Variants in AKAP9 observed in about 807,000 individuals in gnomAD.
AKAP9 encodes A-kinase anchoring protein 9.
In AKAP9, 311 loss-of-function variants were observed where a neutral mutation model predicts 488.5. The ratio of observed to expected loss-of-function variants is 0.64; its 90% CI spans 0.58 to 0.70. AKAP9 has a LOEUF of 0.70. Among genes scored for constraint, AKAP9 ranks in the 30% least tolerant of loss-of-function variants. The pLI, the probability that AKAP9 is intolerant of heterozygous loss-of-function variation, is 0.00. For missense variants in AKAP9, 4,215 were observed against 4,374.5 expected (o/e 0.96, Z 1.03); for synonymous variants, 1,462 against 1,483.5 (o/e 0.99, Z 0.33).
intron 1 of AKAP9, among the ~76,000 whole-genome samples, chr7:91,963,527 C>CACACACAT (rs1267784259): frequency 5.5e-5 from 8 of 144,952 alleles, no homozygotes; most frequent in Admixed American, 6.8e-5. Context: ...CACACACACA[C>CACACACAT]ATATTTTTGA....
intron 37 of AKAP9, among the ~76,000 whole-genome samples, chr7:92,089,096 C>T (rs576780019): frequency 6.6e-6 from 1 of 152,100 alleles, no homozygotes; most frequent in Admixed American, 6.5e-5. Context: ...TTTGAATAGG[C>T]TCTGTATATC....
chr7:91,957,920 A>AT (rs955326343), intron 1 of AKAP9, among the ~76,000 whole-genome samples: 21 of 152,020 alleles, frequency 1.4e-4, no homozygotes, highest in Non-Finnish European at 2.8e-4. Flanking sequence ...CCCCTGTGCT[A>AT]TTTTTTTCTG....
intron 3 of AKAP9, among the ~76,000 whole-genome samples, chr7:91,985,788 C>T (rs1335270480): frequency 6.6e-6 from 1 of 152,164 alleles, no homozygotes; most frequent in Admixed American, 6.5e-5. Context: ...CCTGGGACTA[C>T]AGGCGCGTGC....
chr7:92,099,972 AC>A (rs1408968634), intron 44 of AKAP9, 103 bp downstream of exon 44: 4 of 1,118,252 alleles, frequency 3.6e-6, no homozygotes, highest in Non-Finnish European at 5.4e-6. Flanking sequence ...ACTATCACAC[AC>A]CTGATTCTTA....
At chr7:92,040,544 TA>T in intron 17 of AKAP9, 129 bp from the exon 18 acceptor site, 1 of 661,636 alleles carries the variant, frequency 1.5e-6, no homozygotes, top group Non-Finnish European at 2.5e-6. Flanking sequence ...TGTTTAATAA[TA>T]AAATATCACA....
At chr7:92,003,603 T>G (rs1799438211) in intron 8 of AKAP9, among the ~76,000 whole-genome samples, 1 of 152,128 alleles carries the variant, frequency 6.6e-6, no homozygotes, top group Non-Finnish European at 1.5e-5. Context: ...TTCAGCGTTT[T>G]TATTTCATAG....
intron 1 of AKAP9, among the ~76,000 whole-genome samples, chr7:91,950,372 GGT>G (rs1792060355): frequency 6.6e-6 from 1 of 151,992 alleles, no homozygotes; most frequent in South Asian, 2.1e-4. Flanking sequence ...TGGGACCACA[GGT>G]GCACGCTGCC....
At chr7:92,057,274 CTT>C (rs2130812896) in intron 22 of AKAP9, among the ~76,000 whole-genome samples, 1 of 152,156 alleles carries the variant, frequency 6.6e-6, no homozygotes, top group South Asian at 2.1e-4. Flanking sequence ...CCAGAAATAA[CTT>C]TGATTATTTT....
intron 3 of AKAP9, among the ~76,000 whole-genome samples, chr7:91,991,129 G>C (rs1380836782): frequency 1.3e-5 from 2 of 152,150 alleles, no homozygotes; most frequent in African/African-American, 2.4e-5. Context: ...ATCCCCTGTG[G>C]ATTAAGGAAG....
intron 14 of AKAP9, among the ~76,000 whole-genome samples, chr7:92,029,130 C>T (rs1482020109): frequency 1.1e-4 from 17 of 148,276 alleles, no homozygotes; most frequent in Non-Finnish European, 1.9e-4. Context: ...TTTTTTTTTT[C>T]CCATGGATCC....
In AKAP9 at chr7:91,980,331, G is replaced by C; in HGVS notation, c.349G>C (p.Glu117Gln). Reference sequence around the variant, plus strand: ...AACCACAGCAGATGACTGCAGTTCAGAGGTAAGACTAAATTATATTGATTT... The same window carrying C: ...AACCACAGCAGATGACTGCAGTTCACAGGTAAGACTAAATTATATTGATTT... ...ISTTADDCSS[E>Q]VNGCSFVMRT... Residue 117 changes from glutamate (E) to glutamine (Q), a missense_variant and splice_region_variant, in exon 3 of 50, where the codon GAG becomes CAG. This residue lies in a region of AKAP9 where 2,361 missense variants were observed against 2,430.0 expected (regional missense o/e 0.97). Coordinates refer to ENST00000356239, the MANE Select transcript of AKAP9 (RefSeq NM_005751.5). 1.9e-6 allele frequency: 3 copies of C among 1,543,318 alleles called. No individual in the cohort carries two copies. Among genetic ancestry groups the C allele is most frequent in the Non-Finnish European group, 2.7e-6 (3 of 1,125,838 alleles).
At chr7:91,951,447 C>T (rs1198870671) in intron 1 of AKAP9, among the ~76,000 whole-genome samples, 1 of 152,034 alleles carries the variant, frequency 6.6e-6, no homozygotes, top group African/African-American at 2.4e-5. Flanking sequence ...ACTTCAGGCT[C>T]CCGAGTAGCT....
At chr7:92,076,429 A>G (rs1812599388) in intron 28 of AKAP9, among the ~76,000 whole-genome samples, 2 of 152,218 alleles carry the variant, frequency 1.3e-5, no homozygotes, top group Non-Finnish European at 2.9e-5. Flanking sequence ...ATATTTTTGG[A>G]CTAAATTGAG....
chr7:92,095,141 C>G lies in AKAP9; in HGVS notation c.9697C>G (p.Arg3233Gly). The G allele has an allele frequency of 6.2e-7, 1 of 1,614,070 alleles. No individual in the cohort carries two copies. The highest frequency in any genetic ancestry group is 8.5e-7 in the Non-Finnish European group (1 of 1,180,000). The change falls in exon 40 of 50, where the codon CGC (arginine) becomes GGC (glycine). Residue 3233 changes from arginine to glycine, a missense_variant. Physicochemically the swap from Arg to Gly is moderately radical, Grantham distance 125. Coordinates refer to ENST00000356239, the MANE Select transcript of AKAP9 (RefSeq NM_005751.5). ...GGAGAAAGAGAAAGCCAAGTTGGGACGCAGTGAAGAACGGGATAAAGAAGA... is the reference window on the plus strand; with the variant it reads ...GGAGAAAGAGAAAGCCAAGTTGGGAGGCAGTGAAGAACGGGATAAAGAAGA... ...ALEKEKAKLG[R>G]SEERDKEELE...
At chr7:92,074,327 T>C (rs1271587258) in intron 28 of AKAP9, among the ~76,000 whole-genome samples, 5 of 152,086 alleles carry the variant, frequency 3.3e-5, no homozygotes, top group Non-Finnish European at 7.4e-5. Context: ...TACCATCTCA[T>C]GCCAGTTAGA....
At chr7:91,998,789 G>T (rs1293818828) in intron 7 of AKAP9, among the ~76,000 whole-genome samples, 1 of 151,794 alleles carries the variant, frequency 6.6e-6, no homozygotes, top group Non-Finnish European at 1.5e-5. Context: ...TTTCTTTCTA[G>T]TATGTAAATA....
intron 1 of AKAP9, among the ~76,000 whole-genome samples, chr7:91,948,365 A>G (rs567732449): frequency 3.6e-4 from 55 of 152,278 alleles, no homozygotes; most frequent in African/African-American, 1.3e-3. Flanking sequence ...CTGTTTCCAT[A>G]GTGACTGTAC....
At chr7:92,057,370 C>T (rs895783353) in intron 22 of AKAP9, among the ~76,000 whole-genome samples, 25 of 151,984 alleles carry the variant, frequency 1.6e-4, no homozygotes, top group Middle Eastern at 3.2e-3. Context: ...TTTAATGGAA[C>T]GGAAAAACAC....
chr7:92,003,566 A>T (rs1799431704), intron 8 of AKAP9, among the ~76,000 whole-genome samples: 1 of 151,974 alleles, frequency 6.6e-6, no homozygotes, highest in South Asian at 2.1e-4. Context: ...TCATTTTGTA[A>T]TTTTTGTTAT....
Sources: gnomAD v4.1 joint callset for allele counts (sites outside exome capture counted in the v4.1 genomes callset) on GRCh38, gnomAD v4.1.1 for gene constraint, gnomAD v4.1.1 regional missense constraint, MANE v1.5 for transcripts, NCBI Gene and HGNC (gene_info 2026-07-23, HGNC 2026-07-21) for gene names.